The following DCBLD1 variants were observed in gnomAD, a reference collection of about 807,000 sequenced individuals.
The protein encoded by DCBLD1 is discoidin, CUB and LCCL domain containing 1.
DCBLD1 carries 57 observed loss-of-function variants against 71.5 expected under a neutral mutation model. That is an observed-to-expected ratio of 0.80 (90% confidence interval 0.64 to 0.99). The LOEUF is 0.99. Ranked by LOEUF, DCBLD1 falls within the 50% of genes least tolerant of loss-of-function variation. The pLI, the probability that DCBLD1 is intolerant of heterozygous loss-of-function variation, is 0.00. For synonymous variants in DCBLD1, 380 were observed against 363.8 expected, an observed-to-expected ratio of 1.04 and a Z score of -0.51; for missense variants, 891 against 923.5, an observed-to-expected ratio of 0.96 and a Z score of 0.46.
chr6:117,515,726 A>G, intron 2 of DCBLD1, among the ~76,000 whole-genome samples: 1 of 152,246 alleles, frequency 6.6e-6, no homozygotes, highest in East Asian at 1.9e-4. Flanking sequence ...TCATTACAGA[A>G]ATTTTTTTCT....
At chr6:117,534,779 A>G (rs149146244) in intron 6 of DCBLD1, among the ~76,000 whole-genome samples, 10 of 150,624 alleles carry the variant, frequency 6.6e-5, no homozygotes, top group Admixed American at 6.6e-4. Flanking sequence ...TATATATTAT[A>G]TATTTTATAT....
chr6:117,489,657 G>A (rs1777215772), intron 1 of DCBLD1, among the ~76,000 whole-genome samples: 1 of 152,186 alleles, frequency 6.6e-6, no homozygotes, highest in South Asian at 2.1e-4. Context: ...GGCCGAGGCG[G>A]GTGGATCACA....
rs534188323 is a variant in DCBLD1 at position 117,537,769 on chromosome 6, C to T, written c.760+544C>T. Among the ~76,000 whole-genome samples, 9 of 149,294 alleles carry T rather than the reference C, an allele frequency of 6.0e-5. No individual in the cohort carries two copies. In the East Asian group the frequency reaches 1.2e-3, roughly 20 times the overall value. ...AAGCGATCCTCTTACTTCAGCCACC[C>T]TCACCAAATCTTCTTGACTTAACCA... On this transcript the variant is annotated intron_variant, in intron 7 of 14. Transcript: ENST00000338728.
intron 5 of DCBLD1, among the ~76,000 whole-genome samples, 168 bp from the exon 6 acceptor site, chr6:117,532,092 C>T (rs1262494922): frequency 5.3e-5 from 8 of 152,194 alleles, no homozygotes; most frequent in South Asian, 2.1e-4. Flanking sequence ...AAGCAAGTCA[C>T]ATGGTCCAGA....
intron 14 of DCBLD1, chr6:117,566,918 T>C (rs750950542): frequency 6.2e-7 from 1 of 1,610,992 alleles, no homozygotes; most frequent in East Asian, 2.2e-5. Flanking sequence ...CACCTCCTTC[T>C]AACTCATCAA....
intron 6 of DCBLD1, among the ~76,000 whole-genome samples, chr6:117,533,811 A>G (rs941243915): frequency 2.0e-5 from 3 of 152,150 alleles, no homozygotes; most frequent in African/African-American, 7.2e-5. Flanking sequence ...TCAGCACACC[A>G]TGCTCACGGC....
At chr6:117,516,859 G>A (rs970796857) in intron 2 of DCBLD1, among the ~76,000 whole-genome samples, 2 of 152,148 alleles carry the variant, frequency 1.3e-5, no homozygotes, top group African/African-American at 4.8e-5. Flanking sequence ...CATGGGAACA[G>A]CATGGGAAAG....
At chr6:117,544,047 G>A (rs1413598541) in intron 12 of DCBLD1, among the ~76,000 whole-genome samples, 1 of 152,204 alleles carries the variant, frequency 6.6e-6, no homozygotes, top group Non-Finnish European at 1.5e-5. Flanking sequence ...AGTACAAATA[G>A]AATGAAGAAT....
intron 11 of DCBLD1, among the ~76,000 whole-genome samples, chr6:117,541,326 G>A (rs1000253083): frequency 6.6e-6 from 1 of 151,616 alleles, no homozygotes; most frequent in African/African-American, 2.4e-5. Context: ...AAAAAAAATG[G>A]AAATATAGAA....
At chr6:117,510,120 A>G (rs995653498) in intron 2 of DCBLD1, among the ~76,000 whole-genome samples, 4 of 152,174 alleles carry the variant, frequency 2.6e-5, no homozygotes, top group Non-Finnish European at 4.4e-5. Context: ...CCCCACTTCT[A>G]CAGAAACTTG....
At position 117,523,578 on chromosome 6, in the gene DCBLD1, C is replaced by T. The variant is rs141694651; in HGVS notation, c.513-1784C>T. Among the ~76,000 whole-genome samples the T allele has an allele frequency of 2.8e-4, 43 of 152,314 alleles. 1 individual carries two copies. In the East Asian group the frequency reaches 7.7e-3, roughly 27 times the overall value. On this transcript the variant is annotated intron_variant, in intron 4 of 14. Transcript: ENST00000338728. ...CCAAGAAATTCTGAATTCTGAAATA[C>T]AGCTGATTCTAAGGGAATTGGCTCT...
At position 117,540,650 on chromosome 6, in the gene DCBLD1, CAT is replaced by C; in HGVS notation, c.1102-16_1102-15del. ...CTCACTAATAGAATCTTAAGGTAAA[CAT>C]AATTTCCTTCTATAGGTGTTTCAGG... On this transcript the variant is annotated splice_polypyrimidine_tract_variant and intron_variant, in intron 9 of 14. Transcript: ENST00000338728. The C allele has an allele frequency of 6.2e-7, 1 of 1,613,924 alleles. No homozygotes were observed. Among genetic ancestry groups the C allele is most frequent in the Non-Finnish European group, 8.5e-7 (1 of 1,179,916 alleles).
intron 2 of DCBLD1, among the ~76,000 whole-genome samples, chr6:117,518,397 C>G (rs1202154493): frequency 6.6e-6 from 1 of 152,178 alleles, no homozygotes; most frequent in Non-Finnish European, 1.5e-5. Context: ...CCACATTTTC[C>G]TGTCTTCTTA....
intron 1 of DCBLD1, chr6:117,494,902 C>T (rs1250706984): frequency 3.9e-5 from 6 of 152,126 alleles, no homozygotes; most frequent in Admixed American, 3.3e-4. Flanking sequence ...CAGGAGATGC[C>T]CCAAGAGGAA....
intron 2 of DCBLD1, among the ~76,000 whole-genome samples, chr6:117,518,402 T>G (rs780196604): frequency 1.3e-5 from 2 of 152,238 alleles, no homozygotes; most frequent in South Asian, 2.1e-4. Context: ...TTTTCCTGTC[T>G]TCTTAGCCCT....
chr6:117,496,497 A>G (rs1271658653), intron 1 of DCBLD1, among the ~76,000 whole-genome samples: 3 of 152,190 alleles, frequency 2.0e-5, no homozygotes, highest in Admixed American at 1.3e-4. Flanking sequence ...TGTTTGCCCT[A>G]CCATCAGACA....
chr6:117,535,920 G>A (rs1288634510), intron 6 of DCBLD1, among the ~76,000 whole-genome samples: 1 of 152,138 alleles, frequency 6.6e-6, no homozygotes, highest in Non-Finnish European at 1.5e-5. Context: ...ACCCAAGTGG[G>A]TCTGAGTTTT....
intron 14 of DCBLD1, chr6:117,547,645 G>A: frequency 1.4e-6 from 1 of 725,994 alleles, no homozygotes; most frequent in South Asian, 1.5e-5. Context: ...CCTGAAGTAT[G>A]TCCCCATGCC....
At chr6:117,502,327 A>T (rs1302749533) in intron 1 of DCBLD1, among the ~76,000 whole-genome samples, 9 of 151,888 alleles carry the variant, frequency 5.9e-5, no homozygotes, top group Non-Finnish European at 1.2e-4. Context: ...AGCCAACTCT[A>T]TTTCCCCAAT....
Sources: gnomAD v4.1 joint callset for allele counts (sites outside exome capture counted in the v4.1 genomes callset) on GRCh38, gnomAD v4.1.1 for gene constraint, MANE v1.5 for transcripts, NCBI Gene and HGNC (gene_info 2026-07-23, HGNC 2026-07-21) for gene names.